USH2A: variants seen among roughly 807,000 people sequenced by gnomAD.
USH2A encodes usherin.
Under a neutral mutation model 538.9 loss-of-function variants are expected in USH2A, and 443 were observed. The observed-to-expected ratio is 0.82, with a 90% CI of 0.76 to 0.89. The LOEUF (loss-of-function observed/expected upper bound fraction) is 0.89. Among genes scored for constraint, USH2A ranks in the 40% least tolerant of loss-of-function variants. The probability of loss-of-function intolerance (pLI) is 0.00; values close to 1 mark genes in which losing one functional copy is unlikely to be tolerated. For synonymous variants in USH2A, 2,413 were observed against 2,273.5 expected, an observed-to-expected ratio of 1.06 and a Z score of -1.75; for missense variants, 6,633 against 6,324.8, an observed-to-expected ratio of 1.05 and a Z score of -1.65.
intron 37 of USH2A, among the ~76,000 whole-genome samples, chr1:215,961,068 T>C (rs907903398): frequency 1.3e-4 from 20 of 152,012 alleles, no homozygotes; most frequent in African/African-American, 4.8e-4. Context: ...CCTGGTAAGA[T>C]GCCTGCATTT....
chr1:215,737,650 T>G (rs891026509), intron 60 of USH2A, among the ~76,000 whole-genome samples: 1 of 152,012 alleles, frequency 6.6e-6, no homozygotes, highest in Admixed American at 6.5e-5. Context: ...TGTACATGTA[T>G]GGATAGGTAG....
chr1:216,327,351 T>C (rs1400809246), intron 5 of USH2A, among the ~76,000 whole-genome samples: 1 of 152,164 alleles, frequency 6.6e-6, no homozygotes, highest in Non-Finnish European at 1.5e-5. Context: ...TCAAGTTTTC[T>C]TACAGAATAT....
intron 70 of USH2A, among the ~76,000 whole-genome samples, chr1:215,630,592 C>T (rs1419890538): frequency 2.7e-5 from 4 of 146,312 alleles, no homozygotes; most frequent in African/African-American, 1.0e-4. Flanking sequence ...GTGGCTCATG[C>T]CTGTAATCCC....
chr1:215,627,977 C>T (rs553305001), intron 71 of USH2A, among the ~76,000 whole-genome samples: 20 of 152,190 alleles, frequency 1.3e-4, no homozygotes, highest in African/African-American at 4.6e-4. Flanking sequence ...TGTTATATCA[C>T]GAAGAGGTTA....
chr1:215,707,055 G>A (rs1659202853), intron 61 of USH2A, among the ~76,000 whole-genome samples: 1 of 152,140 alleles, frequency 6.6e-6, no homozygotes, highest in African/African-American at 2.4e-5. Context: ...ATCAAAGATT[G>A]TTTTTATTTT....
chr1:215,788,548 T>C (rs940708837), intron 51 of USH2A, among the ~76,000 whole-genome samples: 5 of 152,046 alleles, frequency 3.3e-5, no homozygotes, highest in Admixed American at 3.3e-4. Context: ...CTAAATGCTC[T>C]CATCACAAAA....
chr1:215,723,981 T>C (rs1659735522), intron 61 of USH2A, among the ~76,000 whole-genome samples: 1 of 152,176 alleles, frequency 6.6e-6, no homozygotes, highest in African/African-American at 2.4e-5. Context: ...GATACCTGCA[T>C]TCGTATGTGT....
rs1661000376 is a variant in USH2A at position 215,762,226 on chromosome 1, T to C, written c.11048-2383A>G. ...GATTCAACCAATCAGAGTTTTGATT[T>C]AAATGTGATATTAATTTGTTGATTC... On this transcript the variant is annotated intron_variant, in intron 56 of 71. Coordinates refer to ENST00000307340, the MANE Select transcript of USH2A (RefSeq NM_206933.4). Among the ~76,000 whole-genome samples the C allele has an allele frequency of 2.0e-5, 3 of 152,194 alleles. No individual in the cohort carries two copies. In the South Asian group the frequency reaches 6.2e-4, roughly 32 times the overall value.
At chr1:215,956,924 T>C (rs919676187) in intron 37 of USH2A, among the ~76,000 whole-genome samples, 2 of 152,176 alleles carry the variant, frequency 1.3e-5, no homozygotes, top group Admixed American at 1.3e-4. Context: ...ATACATTCAG[T>C]GCATATACAT....
At chr1:216,298,173 T>A (rs2037142768) in intron 9 of USH2A, among the ~76,000 whole-genome samples, 1 of 152,198 alleles carries the variant, frequency 6.6e-6, no homozygotes, top group South Asian at 2.1e-4. Flanking sequence ...CTTTCTTAAA[T>A]GTAAGTTGGT....
chr1:215,900,406 C>T lies in USH2A; in HGVS notation c.7452-189G>A, dbSNP rs56167211. Among the ~76,000 whole-genome samples, 1,178 of 152,060 alleles carry T rather than the reference C, an allele frequency of 7.7e-3. 11 individuals carry two copies. Among genetic ancestry groups the T allele is most frequent in the Non-Finnish European group, 0.013 (906 of 67,980 alleles). ...CTGAGTCTGTAATCTTGTGTTTATA[C>T]GAGATGTAAATCCTAGTAGTATTGA... On this transcript the variant is annotated intron_variant, in intron 39 of 71. Coordinates refer to ENST00000307340, the MANE Select transcript of USH2A (RefSeq NM_206933.4).
Position 216,062,793 on chromosome 1 carries a change from A to C in USH2A, c.6049+7308T>G, listed in dbSNP as rs376675559. On this transcript the variant is annotated intron_variant, in intron 30 of 71. Transcript: ENST00000307340. ...ACCTAGGAAGAAATATACAATATTGAAAATTGCTATTTCTCACCAGAAGTA... is the reference window on the plus strand; with the variant it reads ...ACCTAGGAAGAAATATACAATATTGCAAATTGCTATTTCTCACCAGAAGTA... 2.8e-4 allele frequency among the ~76,000 whole-genome samples: 42 copies of C among 152,318 alleles called. No individual in the cohort carries two copies. In the East Asian group the frequency reaches 3.7e-3, roughly 13 times the overall value.
chr1:215,776,927 T>C (rs1013117766), intron 55 of USH2A, among the ~76,000 whole-genome samples: 4 of 152,198 alleles, frequency 2.6e-5, no homozygotes, highest in Non-Finnish European at 5.9e-5. Flanking sequence ...TAGGAGGCTC[T>C]GTACTTGGTA....
chr1:216,082,477 A>G (rs1481408087), intron 26 of USH2A, among the ~76,000 whole-genome samples: 1 of 151,938 alleles, frequency 6.6e-6, no homozygotes, highest in Non-Finnish European at 1.5e-5. Flanking sequence ...AAAAAAAAAA[A>G]AAGATGAACG....
chr1:215,870,164 T>G (rs1664585672), intron 43 of USH2A, among the ~76,000 whole-genome samples: 1 of 152,228 alleles, frequency 6.6e-6, no homozygotes, highest in African/African-American at 2.4e-5. Flanking sequence ...TATTTCCACT[T>G]TTTAAAAATT....
intron 61 of USH2A, among the ~76,000 whole-genome samples, chr1:215,726,577 C>T (rs1022774662): frequency 6.6e-6 from 1 of 152,084 alleles, no homozygotes; most frequent in African/African-American, 2.4e-5. Context: ...CATAAGATAA[C>T]CTTCATGTAA....
chr1:216,184,015 AG>A (rs1275136483), intron 20 of USH2A, among the ~76,000 whole-genome samples: 1 of 152,006 alleles, frequency 6.6e-6, no homozygotes, highest in Non-Finnish European at 1.5e-5. Context: ...AAAAACCTTC[AG>A]TGTACTCAGG....
intron 37 of USH2A, among the ~76,000 whole-genome samples, chr1:215,956,546 T>C (rs1409305067): frequency 1.3e-5 from 2 of 152,158 alleles, no homozygotes; most frequent in Admixed American, 1.3e-4. Flanking sequence ...TCCACAGAGA[T>C]GCTCTGCAGA....
intron 44 of USH2A, among the ~76,000 whole-genome samples, chr1:215,851,206 A>G (rs563590914): frequency 5.9e-5 from 9 of 152,146 alleles, no homozygotes; most frequent in Non-Finnish European, 1.3e-4. Context: ...AAGCAGAACT[A>G]AATGCAATTG....
Sources: allele counts gnomAD v4.1 joint callset (sites outside exome capture counted in the v4.1 genomes callset), GRCh38; gene constraint gnomAD v4.1.1; transcripts MANE v1.5; gene names NCBI Gene and HGNC (gene_info 2026-07-23, HGNC 2026-07-21).